The following NUMB variants were observed in gnomAD, a reference collection of about 807,000 sequenced individuals.
The protein encoded by NUMB is NUMB endocytic adaptor protein.
A neutral mutation model predicts 59.7 loss-of-function variants in NUMB; 29 were observed. That is an observed-to-expected ratio of 0.49 (90% CI 0.36 to 0.66). The LOEUF (loss-of-function observed/expected upper bound fraction) is 0.66. NUMB is among the 30% of genes least tolerant of loss of function. The pLI, the probability that NUMB is intolerant of heterozygous loss-of-function variation, is 0.00. For synonymous variants in NUMB, 288 were observed against 288.2 expected, an observed-to-expected ratio of 1.00 and a Z score of 0.01; for missense variants, 723 against 822.0, an observed-to-expected ratio of 0.88 and a Z score of 1.47.
chr14:73,300,913 A>G (rs915556263), intron 6 of NUMB, among the ~76,000 whole-genome samples: 1 of 152,196 alleles, frequency 6.6e-6, no homozygotes, highest in Non-Finnish European at 1.5e-5. Flanking sequence ...AGAGATGACT[A>G]TTAAAACTGA....
intron 1 of NUMB, among the ~76,000 whole-genome samples, chr14:73,424,115 C>T (rs560408225): frequency 6.6e-6 from 1 of 150,544 alleles, no homozygotes; most frequent in Admixed American, 6.6e-5. Context: ...GCAAAAACCA[C>T]AATTACTCTC....
chr14:73,395,202 TACACAC>T (rs142215964), intron 2 of NUMB, among the ~76,000 whole-genome samples: 2 of 150,626 alleles, frequency 1.3e-5, no homozygotes, highest in Non-Finnish European at 3.0e-5. Context: ...ACATGATGTA[TACACAC>T]ACACACACAT....
rs779154703 is a variant in NUMB, at chr14:73,277,269, C to T, written c.1265G>A (p.Gly422Asp). 6 of 1,601,932 alleles carry T rather than the reference C, an allele frequency of 3.7e-6. No homozygotes were observed. The Admixed American group carries it at 8.4e-5, about 22-fold the overall frequency. ...CTGGAAGAGACCTGGAGAGGCAGCA[C>T]CAGAAGATTGACCCCACTCGGTCCC... ...CSGTEWGQSS[G>D]AASPGLFQAG... Residue 422 changes from glycine to aspartate, a missense_variant, in exon 13 of 13, where the codon GGT becomes GAT. Transcript: ENST00000555238.
chr14:73,323,341 G>T, intron 4 of NUMB, 137 bp from the exon 5 acceptor site: 1 of 543,166 alleles, frequency 1.8e-6, no homozygotes, highest in Non-Finnish European at 3.3e-6. Context: ...ACTTCTGGGT[G>T]TCAAGCATGT....
At chr14:73,380,146 C>T (rs945489604) in intron 2 of NUMB, among the ~76,000 whole-genome samples, 7 of 152,184 alleles carry the variant, frequency 4.6e-5, no homozygotes, top group African/African-American at 1.7e-4. Flanking sequence ...TGAAGCCTAG[C>T]TGCAACAGAA....
At chr14:73,299,751 T>C (rs1890023740) in intron 6 of NUMB, among the ~76,000 whole-genome samples, 1 of 152,140 alleles carries the variant, frequency 6.6e-6, no homozygotes, top group Non-Finnish European at 1.5e-5. Context: ...TACTTTTTTT[T>C]ACAAAGCTTT....
intron 4 of NUMB, among the ~76,000 whole-genome samples, chr14:73,324,426 T>C (rs1464804940): frequency 2.0e-5 from 3 of 152,120 alleles, no homozygotes; most frequent in African/African-American, 7.2e-5. Context: ...TTTTTTTCCC[T>C]GCTAATCTAT....
At chr14:73,401,405 C>CA (rs112152192) in intron 2 of NUMB, among the ~76,000 whole-genome samples, 3,302 of 132,920 alleles carry the variant, frequency 0.025, 105 homozygotes, top group African/African-American at 0.079. Flanking sequence ...CCAAAACTAA[C>CA]AAAAAAAAAA....
At chr14:73,456,691 T>C (rs772524983) in intron 1 of NUMB, among the ~76,000 whole-genome samples, 36 of 152,248 alleles carry the variant, frequency 2.4e-4, no homozygotes, top group Non-Finnish European at 4.6e-4. Context: ...TAGGATCTTT[T>C]AGGCAATTTG....
At chr14:73,299,557 ATATG>A (rs1889986695) in intron 6 of NUMB, among the ~76,000 whole-genome samples, 1 of 127,874 alleles carries the variant, frequency 7.8e-6, no homozygotes, top group Admixed American at 8.2e-5. Context: ...TATGTATCAT[ATATG>A]TCATATATAT....
chr14:73,393,326 G>C (rs186882207), intron 2 of NUMB, among the ~76,000 whole-genome samples: 218 of 152,314 alleles, frequency 1.4e-3, no homozygotes, highest in African/African-American at 5.0e-3. Flanking sequence ...TATAAAATAA[G>C]GGGGCTATCA....
intron 1 of NUMB, among the ~76,000 whole-genome samples, chr14:73,453,843 G>A (rs1357572132): frequency 2.6e-5 from 4 of 151,932 alleles, no homozygotes; most frequent in Admixed American, 1.3e-4. Flanking sequence ...TCCTGACCTC[G>A]TGATCCGTCT....
At chr14:73,425,764 CAAAG>C (rs1244873731) in intron 1 of NUMB, among the ~76,000 whole-genome samples, 1 of 150,922 alleles carries the variant, frequency 6.6e-6, no homozygotes, top group Non-Finnish European at 1.5e-5. Flanking sequence ...TTCATCAGCA[CAAAG>C]AAACACTAAG....
chr14:73,352,519 TATATATATA>T lies in NUMB; in HGVS notation c.126+3098_126+3106del, dbSNP rs1566756420. Among the ~76,000 whole-genome samples, 28 of 24,932 alleles carry T rather than the reference TATATATATA, an allele frequency of 1.1e-3. 1 individual carries two copies. The highest frequency in any genetic ancestry group is 1.6e-3 in the Non-Finnish European group (22 of 13,520). 16.4% of individuals were successfully genotyped at this position (24,932 alleles called of 152,430 possible). A position where few individuals can be genotyped will look rare whatever the true frequency, so the allele number is the denominator to read the frequency against. ...ATATATATATATATATATATATATA[TATATATATA>T]TGTTTTTTTTTTTTTTTTTTTTTTG... On this transcript the variant is annotated intron_variant, in intron 4 of 12. Transcript: ENST00000555238.
intron 4 of NUMB, among the ~76,000 whole-genome samples, chr14:73,347,463 C>G (rs1232322984): frequency 1.4e-5 from 2 of 145,774 alleles, no homozygotes; most frequent in Non-Finnish European, 3.1e-5. Context: ...ACCACTCCCC[C>G]ATCCTTATAC....
chr14:73,372,467 A>G (rs1289721209), intron 2 of NUMB, among the ~76,000 whole-genome samples: 1 of 147,874 alleles, frequency 6.8e-6, no homozygotes, highest in Non-Finnish European at 1.5e-5. Context: ...ATGTGTATTT[A>G]TATTTATACA....
In NUMB at chr14:73,276,980, G is replaced by A; in HGVS notation, c.1554C>T (p.Pro518=). 1 of 1,614,162 alleles carries A rather than the reference G, an allele frequency of 6.2e-7. No homozygotes were observed. Among genetic ancestry groups the A allele is most frequent in the Admixed American group, 1.7e-5 (1 of 60,026 alleles). ...AQSYPVANGM[P]YPAPNVPVVG... Reference sequence around the variant, plus strand: ...CCACAGGCACATTAGGGGCTGGATAGGGCATTCCATTGGCCACAGGATAGG... The same window carrying A: ...CCACAGGCACATTAGGGGCTGGATAAGGCATTCCATTGGCCACAGGATAGG... The change falls in exon 13 of 13, where the codon CCC becomes CCT. Residue 518 remains proline (P), a synonymous_variant. Coordinates refer to ENST00000555238, the MANE Select transcript of NUMB (RefSeq NM_001005743.2).
rs774814763 is a variant in NUMB, at chr14:73,276,660, T to TTTTCTAATGCAGCCCA, written c.1858_1873dup (p.Asn625MetfsTer7). ...GGGATTAGTACGCTGCTTGGACTTA[T>TTTTCTAATGCAGCCCA]TTTCTAATGCAGCCCACTGGGCTTC... On this transcript the variant is annotated frameshift_variant, in exon 13 of 13. Coordinates refer to ENST00000555238, the MANE Select transcript of NUMB (RefSeq NM_001005743.2). LOFTEE classifies it high-confidence loss of function. The TTTTCTAATGCAGCCCA allele has an allele frequency of 6.2e-7, 1 of 1,614,214 alleles. No individual in the cohort carries two copies. Among genetic ancestry groups the TTTTCTAATGCAGCCCA allele is most frequent in the Non-Finnish European group, 8.5e-7 (1 of 1,180,018 alleles).
intron 1 of NUMB, among the ~76,000 whole-genome samples, chr14:73,412,809 T>C (rs1441681915): frequency 2.0e-5 from 3 of 151,992 alleles, no homozygotes; most frequent in Non-Finnish European, 4.4e-5. Context: ...CTTCTTATTT[T>C]TTTATAAGCA....
Sources: gnomAD v4.1 joint callset for allele counts (sites outside exome capture counted in the v4.1 genomes callset) on GRCh38, gnomAD v4.1.1 for gene constraint, MANE v1.5 for transcripts, NCBI Gene and HGNC (gene_info 2026-07-23, HGNC 2026-07-21) for gene names.